SORBS2: variants seen among roughly 807,000 people sequenced by gnomAD.
The protein encoded by SORBS2 is sorbin and SH3 domain-containing protein 2.
Under a neutral mutation model 97.7 loss-of-function variants are expected in SORBS2, and 46 were observed. The ratio of observed to expected loss-of-function variants is 0.47; its 90% confidence interval spans 0.37 to 0.60. SORBS2 has a LOEUF of 0.60. Among genes scored for constraint, SORBS2 ranks in the 20% least tolerant of loss-of-function variants. The pLI, the probability that SORBS2 is intolerant of heterozygous loss-of-function variation, is 0.00. For synonymous variants in SORBS2, 476 were observed against 473.4 expected (o/e 1.01, Z -0.07); for missense variants, 1,316 against 1,282.3 (o/e 1.03, Z -0.40).
exon 5 of SORBS2, chr4:185,662,208 G>A (rs1419800342): frequency 1.2e-6 from 2 of 1,612,852 alleles, no homozygotes; most frequent in East Asian, 2.2e-5. Flanking sequence ...GGGACTCACG[G>A]CACCTCCTGA....
At chr4:185,807,678 T>C (rs1313457416) in intron 1 of SORBS2, among the ~76,000 whole-genome samples, 2 of 152,362 alleles carry the variant, frequency 1.3e-5, no homozygotes, top group East Asian at 3.9e-4. Context: ...TGCAGAAGTG[T>C]TTCCTTTTAA....
intron 12 of SORBS2, among the ~76,000 whole-genome samples, chr4:185,609,442 C>T (rs182182157): frequency 6.6e-6 from 1 of 152,350 alleles, no homozygotes; most frequent in East Asian, 1.9e-4. Context: ...GATGCTGCGA[C>T]TACGCTGTGC....
At chr4:185,803,229 T>C (rs2099138844) in intron 1 of SORBS2, among the ~76,000 whole-genome samples, 1 of 152,122 alleles carries the variant, frequency 6.6e-6, no homozygotes, top group Admixed American at 6.5e-5. Flanking sequence ...AATGAGGCAA[T>C]TCATTAACAG....
At chr4:185,949,871 T>C (rs952255781) in intron 1 of SORBS2, among the ~76,000 whole-genome samples, 2 of 151,932 alleles carry the variant, frequency 1.3e-5, no homozygotes, top group Non-Finnish European at 2.9e-5. Context: ...TAATCAAGGG[T>C]CCAGCAGCTC....
chr4:185,697,862 A>T (rs953545284), intron 2 of SORBS2, among the ~76,000 whole-genome samples: 1 of 152,170 alleles, frequency 6.6e-6, no homozygotes, highest in Admixed American at 6.5e-5. Flanking sequence ...TTAAAATTTT[A>T]TGCTTTGCTA....
At chr4:185,783,822 T>C (rs148174931) in intron 1 of SORBS2, among the ~76,000 whole-genome samples, 12 of 152,360 alleles carry the variant, frequency 7.9e-5, no homozygotes, top group Admixed American at 2.6e-4. Flanking sequence ...TGGCAAGAAT[T>C]CCTTCGAGGA....
intron 2 of SORBS2, among the ~76,000 whole-genome samples, chr4:185,701,378 C>A (rs1200123005): frequency 6.6e-6 from 1 of 152,220 alleles, no homozygotes; most frequent in Non-Finnish European, 1.5e-5. Flanking sequence ...TGGGACTCAG[C>A]CTGTTCTCCT....
intron 1 of SORBS2, among the ~76,000 whole-genome samples, chr4:185,811,461 T>C (rs1321448977): frequency 6.6e-6 from 1 of 152,182 alleles, no homozygotes; most frequent in Non-Finnish European, 1.5e-5. Flanking sequence ...TTTTTTATCT[T>C]CCAATTGCTA....
At chr4:185,915,866 G>T (rs1468283346) in intron 1 of SORBS2, among the ~76,000 whole-genome samples, 1 of 152,146 alleles carries the variant, frequency 6.6e-6, no homozygotes, top group Non-Finnish European at 1.5e-5. Context: ...TTGAAGATTT[G>T]GGATCTTGCA....
At chr4:185,912,973 C>G (rs1271177159) in intron 1 of SORBS2, among the ~76,000 whole-genome samples, 1 of 151,880 alleles carries the variant, frequency 6.6e-6, no homozygotes, top group East Asian at 1.9e-4. Flanking sequence ...ATAAACACTC[C>G]TGGATGATGA....
intron 1 of SORBS2, among the ~76,000 whole-genome samples, chr4:185,946,040 C>T (rs932971638): frequency 7.9e-5 from 12 of 152,222 alleles, no homozygotes; most frequent in African/African-American, 2.4e-4. Flanking sequence ...GAATAAAGGG[C>T]TATCTTTAAA....
intron 1 of SORBS2, among the ~76,000 whole-genome samples, chr4:185,932,015 T>TAG (rs1159376818): frequency 1.3e-5 from 2 of 151,162 alleles, no homozygotes; most frequent in African/African-American, 4.9e-5. Context: ...TATATATATA[T>TAG]ATAGATAGAT....
At chr4:185,659,241 G>C (rs1386114245), upstream of SORBS2, among the ~76,000 whole-genome samples, 1 of 152,112 alleles carries the variant, frequency 6.6e-6, no homozygotes, top group African/African-American at 2.4e-5. Context: ...GACATAAAAT[G>C]TCCCTGAATA....
intron 3 of SORBS2, among the ~76,000 whole-genome samples, chr4:185,647,787 TC>T (rs2097237917): frequency 6.6e-6 from 1 of 152,242 alleles, no homozygotes; most frequent in African/African-American, 2.4e-5. Flanking sequence ...AATGTGTTGT[TC>T]TTCCTTGCAG....
chr4:185,767,156 G>A (rs2098938600), intron 2 of SORBS2, among the ~76,000 whole-genome samples: 1 of 152,052 alleles, frequency 6.6e-6, no homozygotes, highest in African/African-American at 2.4e-5. Context: ...CTTAGGATTT[G>A]AAATGTCGTC....
At chr4:185,589,647 G>A (rs1028992960) in intron 14 of SORBS2, 32 bp downstream of exon 26, 3 of 1,314,964 alleles carry the variant, frequency 2.3e-6, no homozygotes, top group African/African-American at 2.9e-5. Context: ...TTACAAAATA[G>A]CCGAAGGTGC....
chr4:185,591,141 C>T (rs1453240082), intron 13 of SORBS2, among the ~76,000 whole-genome samples: 2 of 152,138 alleles, frequency 1.3e-5, no homozygotes, highest in African/African-American at 4.8e-5. Context: ...CTACTGGCTT[C>T]CCCCCGTTCA....
intron 2 of SORBS2, chr4:185,772,549 C>T (rs2098977538): frequency 6.6e-6 from 1 of 152,198 alleles, no homozygotes; most frequent in Admixed American, 6.5e-5. Context: ...CATTCCACGG[C>T]TCTCCCGGGA....
intron 1 of SORBS2, among the ~76,000 whole-genome samples, chr4:185,885,276 C>G (rs534096295): frequency 6.6e-6 from 1 of 152,328 alleles, no homozygotes; most frequent in Admixed American, 6.5e-5. Flanking sequence ...GAGGAAAAGC[C>G]CGCTCTTGTG....
Sources: gnomAD v4.1 joint callset for allele counts (sites outside exome capture counted in the v4.1 genomes callset) on GRCh38, gnomAD v4.1.1 for gene constraint, MANE v1.5 for transcripts, NCBI Gene and HGNC (gene_info 2026-07-23, HGNC 2026-07-21) for gene names.